Variants in ATE1 observed in about 807,000 individuals in gnomAD.
The protein encoded by ATE1 is arginyltransferase 1.
A neutral mutation model predicts 70.5 loss-of-function variants in ATE1; 36 were observed. The ratio of observed to expected loss-of-function variants is 0.51; its 90% confidence interval spans 0.39 to 0.67. The LOEUF is 0.67. ATE1 is among the 30% of genes least tolerant of loss of function. ATE1 has a pLI of 0.00. For synonymous variants in ATE1, 232 were observed against 219.3 expected (o/e 1.06, Z -0.51); for missense variants, 593 against 629.5 (o/e 0.94, Z 0.62).
In ATE1 at chr10:121,841,261, T is replaced by C. The variant is rs750082694; in HGVS notation, c.978A>G (p.Ala326=). Residue 326 remains alanine, a splice_region_variant and synonymous_variant, in exon 9 of 12, where the codon GCA becomes GCG. Coordinates refer to ENST00000224652, the MANE Select transcript of ATE1 (RefSeq NM_001001976.3). The part of the protein sequence containing the change: ...TRFLCSSPLE[A]ETPPNGPDCG... Reference sequence around the variant, plus strand: ...AATCTGGCCCATTAGGGGGAGTCTCTGCCTAAGAAAAAGCAGAGGCACAAA... The same window carrying C: ...AATCTGGCCCATTAGGGGGAGTCTCCGCCTAAGAAAAAGCAGAGGCACAAA... 3 of 1,477,748 alleles carry C rather than the reference T, an allele frequency of 2.0e-6. No homozygotes were observed. The Admixed American group carries it at 6.2e-5, about 31-fold the overall frequency. 91.5% of individuals were successfully genotyped at this position (1,477,748 alleles called of 1,614,324 possible).
At chr10:121,799,264 C>T (rs938585593) in intron 10 of ATE1, among the ~76,000 whole-genome samples, 1 of 152,028 alleles carries the variant, frequency 6.6e-6, no homozygotes, top group Non-Finnish European at 1.5e-5. Flanking sequence ...TACAGAAGCA[C>T]GAAGGAGCTG....
At chr10:121,778,985 C>T (rs1172339301) in intron 11 of ATE1, among the ~76,000 whole-genome samples, 1 of 152,140 alleles carries the variant, frequency 6.6e-6, no homozygotes, top group East Asian at 1.9e-4. Context: ...TTTAATCCTA[C>T]ATTAGCTTCC....
chr10:121,866,846 C>CAA (rs35535465), intron 8 of ATE1, among the ~76,000 whole-genome samples: 15,684 of 102,638 alleles, frequency 0.15, 1,075 homozygotes, highest in East Asian at 0.2. Context: ...GACTCTGTCT[C>CAA]AAAAAAAAAA....
rs1947610774 is a variant in ATE1 at position 121,817,613 on chromosome 10, GA to G, written c.1257+19104del. Among the ~76,000 whole-genome samples the G allele has an allele frequency of 7.9e-5, 12 of 151,846 alleles. No individual in the cohort carries two copies. In the South Asian group the frequency reaches 2.5e-3, roughly 32 times the overall value. On this transcript the variant is annotated intron_variant, in intron 10 of 11. Coordinates refer to ENST00000224652, the MANE Select transcript of ATE1 (RefSeq NM_001001976.3). ...CTAATGAGACAGGCAGATGTGAAAAGAAGTAGCTATAATACAATCCCATAAA... is the reference window on the plus strand; with the variant it reads ...CTAATGAGACAGGCAGATGTGAAAAGAGTAGCTATAATACAATCCCATAAA...
At chr10:121,853,200 T>C (rs1050783422) in intron 8 of ATE1, among the ~76,000 whole-genome samples, 15 of 151,688 alleles carry the variant, frequency 9.9e-5, no homozygotes, top group Admixed American at 5.3e-4. Flanking sequence ...CCGTCTCTAC[T>C]AAAAATACAA....
chr10:121,876,879 T>A (rs1950069468), intron 7 of ATE1, among the ~76,000 whole-genome samples: 1 of 148,866 alleles, frequency 6.7e-6, no homozygotes, highest in African/African-American at 2.5e-5. Flanking sequence ...GGCAGGAGAA[T>A]GGCGGGAACC....
chr10:121,905,656 AACATGGTGAAACCCTGTCTCT>A (rs1951161418), intron 5 of ATE1, among the ~76,000 whole-genome samples: 1 of 152,180 alleles, frequency 6.6e-6, no homozygotes, highest in African/African-American at 2.4e-5. Flanking sequence ...CAACCTGGCC[AACATGGTGAAACCCTGTCTCT>A]ACTAAAAATA....
chr10:121,815,095 T>C (rs1048032352), intron 10 of ATE1, among the ~76,000 whole-genome samples: 4 of 152,232 alleles, frequency 2.6e-5, no homozygotes, highest in Non-Finnish European at 5.9e-5. Flanking sequence ...GACCCTACCA[T>C]ACACACCAGA....
intron 11 of ATE1, among the ~76,000 whole-genome samples, chr10:121,756,102 T>C (rs189741446): frequency 1.1e-3 from 172 of 152,248 alleles, no homozygotes; most frequent in African/African-American, 3.7e-3. Flanking sequence ...TAGGTAAATA[T>C]AGCCGTTCCA....
At chr10:121,814,279 G>C (rs1947447237) in intron 10 of ATE1, among the ~76,000 whole-genome samples, 1 of 152,200 alleles carries the variant, frequency 6.6e-6, no homozygotes, top group Admixed American at 6.5e-5. Context: ...AAGGCAGACA[G>C]GAAGGGATCA....
At chr10:121,828,571 A>G (rs557395578) in intron 10 of ATE1, among the ~76,000 whole-genome samples, 1 of 152,328 alleles carries the variant, frequency 6.6e-6, no homozygotes, top group South Asian at 2.1e-4. Flanking sequence ...ACAAGGCCTG[A>G]GCCCAGAAGT....
At chr10:121,759,674 A>G (rs1242563985) in intron 11 of ATE1, among the ~76,000 whole-genome samples, 1 of 150,618 alleles carries the variant, frequency 6.6e-6, no homozygotes, top group Non-Finnish European at 1.5e-5. Context: ...CAGTGGGCCG[A>G]GACTGCGCCA....
chr10:121,798,226 C>G (rs1946735621), intron 10 of ATE1, among the ~76,000 whole-genome samples: 1 of 152,112 alleles, frequency 6.6e-6, no homozygotes, highest in Admixed American at 6.6e-5. Context: ...GAATTATCAC[C>G]AAATGCTAGA....
At chr10:121,748,788 A>G (rs1342580128) in intron 11 of ATE1, among the ~76,000 whole-genome samples, 1 of 152,184 alleles carries the variant, frequency 6.6e-6, no homozygotes, top group Non-Finnish European at 1.5e-5. Context: ...AATTATAAAA[A>G]AGTGATACTA....
chr10:121,924,635 G>A (rs1274437517), intron 1 of ATE1, among the ~76,000 whole-genome samples: 1 of 151,270 alleles, frequency 6.6e-6, no homozygotes, highest in African/African-American at 2.4e-5. Context: ...GGGAGGCGGA[G>A]GTTGCAGTGA....
At chr10:121,783,662 T>C (rs1946090024) in intron 11 of ATE1, among the ~76,000 whole-genome samples, 1 of 152,156 alleles carries the variant, frequency 6.6e-6, no homozygotes, top group Non-Finnish European at 1.5e-5. Flanking sequence ...TTAATTGGCA[T>C]TTTGGACAAC....
chr10:121,913,131 G>A (rs548536483), intron 4 of ATE1, among the ~76,000 whole-genome samples: 1 of 152,114 alleles, frequency 6.6e-6, no homozygotes, highest in South Asian at 2.1e-4. Flanking sequence ...CGCCTGCCTC[G>A]GCCTCCCAAG....
intron 3 of ATE1, among the ~76,000 whole-genome samples, chr10:121,915,105 G>A (rs1951593562): frequency 6.6e-6 from 1 of 152,148 alleles, no homozygotes; most frequent in Non-Finnish European, 1.5e-5. Context: ...ACAAACTGGA[G>A]AAAGTAACCT....
chr10:121,744,291 T>A (rs1944259577), intron 11 of ATE1, among the ~76,000 whole-genome samples: 1 of 152,004 alleles, frequency 6.6e-6, no homozygotes, highest in Non-Finnish European at 1.5e-5. Context: ...CTTTGATGAG[T>A]ATGTTCAAGT....
Sources: gnomAD v4.1 joint callset for allele counts (sites outside exome capture counted in the v4.1 genomes callset) on GRCh38, gnomAD v4.1.1 for gene constraint, MANE v1.5 for transcripts, NCBI Gene and HGNC (gene_info 2026-07-23, HGNC 2026-07-21) for gene names.